Variants in CACNA1E observed in about 807,000 individuals in gnomAD.
CACNA1E encodes the protein voltage-dependent R-type calcium channel subunit alpha-1E.
In CACNA1E, 40 loss-of-function variants were observed where a neutral mutation model predicts 259.2. That is an observed-to-expected ratio of 0.15 (90% CI 0.12 to 0.20). CACNA1E has a LOEUF of 0.20. CACNA1E is among the 10% of genes least tolerant of loss of function. CACNA1E has a pLI of 1.00. For synonymous variants in CACNA1E, 1,104 were observed against 1,138.5 expected (o/e 0.97, Z 0.61); for missense variants, 1,874 against 3,040.1 (o/e 0.62, Z 9.02).
At position 181,758,830 on chromosome 1, in the gene CACNA1E, C is replaced by T; in HGVS notation, c.4567C>T (p.Leu1523=). ...TATCGCCTTCACCATGGTGTTTTCC[C>T]TGGAATGTGTCCTGAAGGTCATCGC... ...LNIAFTMVFS[L]ECVLKVIAFG... The change falls in exon 32 of 48, where the codon CTG becomes TTG. Residue 1523 remains leucine (L), a synonymous_variant. Transcript: ENST00000367573. This position sits in a 1 kb window ranked among gnomAD's most constrained non-coding sequence, Gnocchi z 4.2. 6.2e-7 allele frequency: 1 copy of T among 1,612,500 alleles called. No individual in the cohort carries two copies. Among genetic ancestry groups the T allele is most frequent in the Non-Finnish European group, 8.5e-7 (1 of 1,178,530 alleles).
chr1:181,635,472 T>TTCTC (rs928562621), intron 6 of CACNA1E, among the ~76,000 whole-genome samples: 11 of 151,894 alleles, frequency 7.2e-5, no homozygotes, highest in Admixed American at 3.3e-4. Flanking sequence ...CCTTCCCCAG[T>TTCTC]TCTCTCTCTC....
intron 6 of CACNA1E, among the ~76,000 whole-genome samples, chr1:181,645,841 A>G (rs910797212): frequency 1.3e-5 from 2 of 152,358 alleles, no homozygotes. Flanking sequence ...GAATGTGTTG[A>G]ATAAAAAATA....
In CACNA1E at chr1:181,758,732, T is replaced by C. The variant is rs370203584; in HGVS notation, c.4495-26T>C. ...CTCTTACCTTAAGGCTGTGATTCTT[T>C]CTCTCTTCTTTTTTCTTCCTGGCAG... On this transcript the variant is annotated intron_variant, in intron 31 of 47. Coordinates refer to ENST00000367573, the MANE Select transcript of CACNA1E (RefSeq NM_001205293.3). The surrounding 1 kb of genome is among the most constrained non-coding windows in gnomAD (Gnocchi z 4.2). The C allele has an allele frequency of 9.1e-5, 119 of 1,309,404 alleles. No individual in the cohort carries two copies. In the African/African-American group the frequency reaches 1.5e-3, roughly 16 times the overall value. 81.1% of individuals were successfully genotyped at this position (1,309,404 alleles called of 1,614,324 possible). A position where few individuals can be genotyped will look rare whatever the true frequency, so the allele number is the denominator to read the frequency against.
intron 29 of CACNA1E, among the ~76,000 whole-genome samples, 196 bp from the exon 30 acceptor site, chr1:181,756,729 G>T (rs532392550): frequency 1.3e-5 from 2 of 152,170 alleles, no homozygotes; most frequent in Non-Finnish European, 2.9e-5. Context: ...AGTTGAGTGC[G>T]TGATGGAACA....
intron 6 of CACNA1E, among the ~76,000 whole-genome samples, chr1:181,642,682 C>T (rs1224893120): frequency 6.6e-6 from 1 of 152,176 alleles, no homozygotes; most frequent in African/African-American, 2.4e-5. Flanking sequence ...GGCACGTTCT[C>T]TTTAATCCTC....
intron 2 of CACNA1E, among the ~76,000 whole-genome samples, chr1:181,448,260 A>G (rs1660920403): frequency 6.6e-6 from 1 of 152,216 alleles, no homozygotes; most frequent in Non-Finnish European, 1.5e-5. Flanking sequence ...TTGAGCACCT[A>G]CTGTATGCCA....
At chr1:181,368,773 T>C (rs1465989811) in intron 1 of CACNA1E, among the ~76,000 whole-genome samples, 1 of 152,226 alleles carries the variant, frequency 6.6e-6, no homozygotes, top group African/African-American at 2.4e-5. Context: ...TTGGTGTTTA[T>C]TTATACTGAA....
chr1:181,521,760 G>C (rs1355646802), intron 3 of CACNA1E, among the ~76,000 whole-genome samples: 2 of 152,164 alleles, frequency 1.3e-5, no homozygotes, highest in Non-Finnish European at 2.9e-5. Context: ...CCTAACTTGA[G>C]ACCTGAAGAC....
At chr1:181,476,188 T>C (rs1469623542) in intron 2 of CACNA1E, among the ~76,000 whole-genome samples, 1 of 152,060 alleles carries the variant, frequency 6.6e-6, no homozygotes, top group Admixed American at 6.5e-5. Flanking sequence ...GCAATTTCTG[T>C]GGAGTGGAAG....
At chr1:181,412,744 G>A (rs1050604225) in intron 1 of CACNA1E, among the ~76,000 whole-genome samples, 1 of 152,188 alleles carries the variant, frequency 6.6e-6, no homozygotes, top group Non-Finnish European at 1.5e-5. Flanking sequence ...GGGCTGAGAT[G>A]TGCGGCCCTC....
rs17743547 is a variant in CACNA1E at position 181,710,946 on chromosome 1, G to A, written c.1056-8G>A. ...AAACCCAGTGAATCTTATCCTTCTT[G>A]TCCACAGGGAATTTGCCAAAGAGAG... is the stretch of plus-strand genomic sequence containing the variant. On this transcript the variant is annotated splice_polypyrimidine_tract_variant and splice_region_variant and intron_variant, in intron 7 of 47. Transcript: ENST00000367573. 0.14 allele frequency: 217,678 copies of A among 1,594,010 alleles called. 15,663 individuals are homozygous for A. The highest frequency in any genetic ancestry group is 0.19 in the Admixed American group (11,311 of 59,990).
chr1:181,528,327 C>A (rs1293110845), intron 3 of CACNA1E, among the ~76,000 whole-genome samples: 1 of 146,662 alleles, frequency 6.8e-6, no homozygotes, highest in African/African-American at 2.6e-5. Flanking sequence ...ATTCTGAGGC[C>A]TCCCCAGCCA....
rs190323786 is a variant in CACNA1E at position 181,660,490 on chromosome 1, T to A, written c.1055+9049T>A. Among the ~76,000 whole-genome samples the A allele has an allele frequency of 2.0e-4, 30 of 152,316 alleles. 2 individuals carry two copies. In the East Asian group the frequency reaches 4.8e-3, roughly 24 times the overall value. On this transcript the variant is annotated intron_variant, in intron 7 of 47. Transcript: ENST00000367573. ...TATATGCAGGTCACTAATGTTGGGT[T>A]CCTACTATCTTGCAAGGCATTGTTG... is the stretch of plus-strand genomic sequence containing the variant.
At chr1:181,406,234 T>C (rs1447318010) in intron 1 of CACNA1E, among the ~76,000 whole-genome samples, 1 of 152,200 alleles carries the variant, frequency 6.6e-6, no homozygotes, top group Non-Finnish European at 1.5e-5. Flanking sequence ...AAATAAGTTT[T>C]TATTTTATTA....
At chr1:181,482,402 G>C (rs995567310), upstream of CACNA1E, among the ~76,000 whole-genome samples, 6 of 152,256 alleles carry the variant, frequency 3.9e-5, no homozygotes, top group African/African-American at 1.2e-4. Flanking sequence ...CCGCATCGCT[G>C]GCTGCACCTG....
At chr1:181,741,460 C>G (rs1430866678) in intron 25 of CACNA1E, among the ~76,000 whole-genome samples, 3 of 152,210 alleles carry the variant, frequency 2.0e-5, no homozygotes, top group African/African-American at 7.2e-5. Context: ...CTTATCACAT[C>G]ATGAAATCCA....
intron 39 of CACNA1E, among the ~76,000 whole-genome samples, chr1:181,782,341 G>A (rs1050689405): frequency 5.9e-5 from 9 of 152,220 alleles, no homozygotes; most frequent in Non-Finnish European, 1.5e-5. Context: ...CCCTTGGGGT[G>A]CTCATAGCTT....
At chr1:181,692,090 C>G (rs10910981) in intron 7 of CACNA1E, among the ~76,000 whole-genome samples, 130,217 of 152,074 alleles carry the variant, frequency 0.86, 55,843 homozygotes, top group South Asian at 0.9. Flanking sequence ...AAATACCTAG[C>G]AATACATCTG....
rs143619316 is a variant in CACNA1E at position 181,737,053 on chromosome 1, T to G, written c.3423-472T>G. Among the ~76,000 whole-genome samples, 535 of 152,332 alleles carry G rather than the reference T, an allele frequency of 3.5e-3. 2 individuals carry two copies. Among genetic ancestry groups the G allele is most frequent in the African/African-American group, 0.012 (506 of 41,576 alleles). On this transcript the variant is annotated intron_variant, in intron 22 of 47. Transcript: ENST00000367573. ...CCATCCATGGCTAGAATGCAGAATA[T>G]AGAATACAGTTACTTTAACCAGAAT...
Sources: allele counts gnomAD v4.1 joint callset (sites outside exome capture counted in the v4.1 genomes callset), GRCh38; gene constraint gnomAD v4.1.1; non-coding constraint Gnocchi (gnomAD v3.1); transcripts MANE v1.5; gene names NCBI Gene and HGNC (gene_info 2026-07-23, HGNC 2026-07-21).